HMCN1: variants seen among roughly 807,000 people sequenced by gnomAD.
HMCN1 encodes the protein hemicentin 1.
A neutral mutation model predicts 625.9 loss-of-function variants in HMCN1; 321 were observed. The observed-to-expected ratio is 0.51, with a 90% CI of 0.47 to 0.56. The LOEUF (loss-of-function observed/expected upper bound fraction) is 0.56, where lower values mean the gene tolerates loss of function less well. Ranked by LOEUF, HMCN1 falls within the 20% of genes least tolerant of loss-of-function variation. The probability of loss-of-function intolerance (pLI) is 0.00; values close to 1 mark genes in which losing one functional copy is unlikely to be tolerated. For missense variants in HMCN1, 6,588 were observed against 6,887.3 expected (o/e 0.96, Z 1.54); for synonymous variants, 2,425 against 2,417.6 (o/e 1.00, Z -0.09).
At chr1:186,172,497 C>T (rs1652294837) in intron 102 of HMCN1, among the ~76,000 whole-genome samples, 1 of 151,994 alleles carries the variant, frequency 6.6e-6, no homozygotes, top group African/African-American at 2.4e-5. Flanking sequence ...GATTAAAATT[C>T]AAAATATAAT....
At chr1:186,131,778 A>G (rs1459193831) in intron 85 of HMCN1, among the ~76,000 whole-genome samples, 1 of 152,120 alleles carries the variant, frequency 6.6e-6, no homozygotes, top group Non-Finnish European at 1.5e-5. Flanking sequence ...ACACACACAG[A>G]CACATACATA....
chr1:185,882,009 TC>T (rs1458759986), intron 4 of HMCN1, among the ~76,000 whole-genome samples: 1 of 152,212 alleles, frequency 6.6e-6, no homozygotes, highest in Non-Finnish European at 1.5e-5. Context: ...GATATTTTTT[TC>T]TTTTAGAAAT....
At chr1:185,820,217 G>A (rs1304779127) in intron 1 of HMCN1, among the ~76,000 whole-genome samples, 5 of 152,192 alleles carry the variant, frequency 3.3e-5, no homozygotes, top group Admixed American at 2.6e-4. Context: ...AGGTTACTTT[G>A]TCTTTATCCT....
intron 1 of HMCN1, among the ~76,000 whole-genome samples, chr1:185,818,208 C>T (rs1659961572): frequency 6.6e-6 from 1 of 152,164 alleles, no homozygotes; most frequent in East Asian, 1.9e-4. Context: ...TTCCAAGCCT[C>T]ACTGTGGCAT....
At chr1:185,985,315 G>A (rs748225925) in intron 19 of HMCN1, among the ~76,000 whole-genome samples, 4 of 152,172 alleles carry the variant, frequency 2.6e-5, no homozygotes, top group Non-Finnish European at 5.9e-5. Flanking sequence ...ATATGGTTGT[G>A]TAACTATTTT....
At chr1:186,136,280 C>T (rs193005600) in intron 86 of HMCN1, among the ~76,000 whole-genome samples, 1 of 152,234 alleles carries the variant, frequency 6.6e-6, no homozygotes, top group African/African-American at 2.4e-5. Context: ...TAACTAAGAG[C>T]ACTGTGTGCT....
rs114407325 is a variant in HMCN1, at chr1:186,030,745, C to T, written c.5750-7189C>T. ...TTATATATTTTAATATTTATTATGTCATTTTTTGTTTTTCTCTTTCTCCAT... is the reference window on the plus strand; with the variant it reads ...TTATATATTTTAATATTTATTATGTTATTTTTTGTTTTTCTCTTTCTCCAT... On this transcript the variant is annotated intron_variant, in intron 36 of 106. Transcript: ENST00000271588. Among the ~76,000 whole-genome samples, 1,390 of 151,744 alleles carry T rather than the reference C, an allele frequency of 9.2e-3. 23 individuals are homozygous for T. The highest frequency in any genetic ancestry group is 0.032 in the African/African-American group (1,340 of 41,494).
intron 53 of HMCN1, among the ~76,000 whole-genome samples, chr1:186,076,147 C>T (rs1349691922): frequency 6.6e-6 from 1 of 152,068 alleles, no homozygotes; most frequent in Non-Finnish European, 1.5e-5. Context: ...TGAGAGTGAG[C>T]CCCTTTATTG....
chr1:186,176,022 C>T (rs577233435), intron 103 of HMCN1, among the ~76,000 whole-genome samples: 1 of 152,070 alleles, frequency 6.6e-6, no homozygotes, highest in African/African-American at 2.4e-5. Flanking sequence ...TTTTATTCTA[C>T]CTTCCTGTAT....
chr1:186,062,818 C>A (rs1657798934), intron 48 of HMCN1, among the ~76,000 whole-genome samples: 1 of 151,622 alleles, frequency 6.6e-6, no homozygotes, highest in Non-Finnish European at 1.5e-5. Context: ...CAATCCCTCT[C>A]CCACCCTCTC....
chr1:186,138,851 G>A (rs1649783168), intron 89 of HMCN1, among the ~76,000 whole-genome samples: 1 of 152,186 alleles, frequency 6.6e-6, no homozygotes, highest in Non-Finnish European at 1.5e-5. Context: ...AGTGTAAAGA[G>A]TGTTGAGAAA....
At chr1:185,981,636 A>C (rs1651644941) in intron 17 of HMCN1, among the ~76,000 whole-genome samples, 1 of 152,170 alleles carries the variant, frequency 6.6e-6, no homozygotes, top group Admixed American at 6.5e-5. Context: ...CTGTCAGTAC[A>C]TGTTTCTCAT....
chr1:186,176,502 T>G (rs1227487907), intron 103 of HMCN1, among the ~76,000 whole-genome samples: 1 of 152,220 alleles, frequency 6.6e-6, no homozygotes, highest in African/African-American at 2.4e-5. Context: ...CCATATGATC[T>G]TTTTTGTTTC....
chr1:186,040,178 T>C (rs1656114644), intron 39 of HMCN1, among the ~76,000 whole-genome samples: 1 of 152,092 alleles, frequency 6.6e-6, no homozygotes, highest in Non-Finnish European at 1.5e-5. Flanking sequence ...GCTACCACAA[T>C]AGATACTTTA....
At chr1:185,934,923 G>A (rs544664447) in intron 11 of HMCN1, among the ~76,000 whole-genome samples, 98 of 152,254 alleles carry the variant, frequency 6.4e-4, no homozygotes, top group African/African-American at 2.2e-3. Flanking sequence ...CTCCTTGGTA[G>A]TTGAAATATA....
rs780596968 is a variant in HMCN1, at chr1:186,145,930, A to C, written c.14608+7A>C. 6.2e-7 allele frequency: 1 copy of C among 1,613,838 alleles called. No homozygotes were observed. ...AATGTACAAGCATGTCCAGGTAAGCAACTAAATTGGACTTTGGTAGCACAT... is the reference window on the plus strand; with the variant it reads ...AATGTACAAGCATGTCCAGGTAAGCCACTAAATTGGACTTTGGTAGCACAT... On this transcript the variant is annotated splice_region_variant and intron_variant, in intron 93 of 106. Transcript: ENST00000271588.
chr1:186,137,715 A>G (rs747665643), intron 88 of HMCN1, 47 bp downstream of exon 88: 1 of 1,613,706 alleles, frequency 6.2e-7, no homozygotes, highest in Non-Finnish European at 8.5e-7. Context: ...ATAGACCTTC[A>G]TTTCTGTCTT....
intron 45 of HMCN1, among the ~76,000 whole-genome samples, 186 bp from the exon 46 acceptor site, chr1:186,057,048 C>T (rs1289252513): frequency 6.6e-6 from 1 of 151,556 alleles, no homozygotes; most frequent in Admixed American, 6.6e-5. Context: ...CACACACACA[C>T]ACACACACAC....
chr1:185,763,724 G>A (rs1655670709), intron 1 of HMCN1, among the ~76,000 whole-genome samples: 2 of 152,120 alleles, frequency 1.3e-5, no homozygotes, highest in South Asian at 4.2e-4. Context: ...CATGGGGCAG[G>A]TACTTTTATG....
Sources: gnomAD v4.1 joint callset for allele counts (sites outside exome capture counted in the v4.1 genomes callset) on GRCh38, gnomAD v4.1.1 for gene constraint, MANE v1.5 for transcripts, NCBI Gene and HGNC (gene_info 2026-07-23, HGNC 2026-07-21) for gene names.